Variants in LOX observed in about 807,000 individuals in gnomAD.
The protein encoded by LOX is protein-lysine 6-oxidase.
LOX carries 12 observed loss-of-function variants against 50.5 expected under a neutral mutation model. The ratio of observed to expected loss-of-function variants is 0.24; its 90% confidence interval spans 0.15 to 0.38. The LOEUF (loss-of-function observed/expected upper bound fraction) is 0.38. Ranked by LOEUF, LOX falls within the 10% of genes least tolerant of loss-of-function variation. The pLI is 1.00. For missense variants in LOX, 504 were observed against 563.8 expected (o/e 0.89, Z 1.07); for synonymous variants, 254 against 230.6 (o/e 1.10, Z -0.92).
At chr5:122,075,751 T>C (rs1225053113) in intron 2 of LOX, among the ~76,000 whole-genome samples, 1 of 152,180 alleles carries the variant, frequency 6.6e-6, no homozygotes, top group African/African-American at 2.4e-5. Flanking sequence ...GCTCAATGAA[T>C]ATTTGGTGAA....
At position 122,074,956 on chromosome 5, in the gene LOX, A is replaced by G. The variant is rs73285776; in HGVS notation, c.878+448T>C. On this transcript the variant is annotated intron_variant, in intron 3 of 6. Transcript: ENST00000231004. Reference sequence around the variant, plus strand: ...AAGGCAACCACCTTGGGCTTGATACAGGTCTTTTAAAAGATGGAAGAAGGT... The same window carrying G: ...AAGGCAACCACCTTGGGCTTGATACGGGTCTTTTAAAAGATGGAAGAAGGT... 1.1e-3 allele frequency among the ~76,000 whole-genome samples: 164 copies of G among 152,344 alleles called. 1 individual carries two copies. The highest frequency in any genetic ancestry group is 3.8e-3 in the African/African-American group (160 of 41,580).
rs964524218 is a variant in LOX at position 122,078,129 on chromosome 5, G to A, written c.-144C>T. The A allele has an allele frequency of 1.0e-5, 7 of 702,262 alleles. No homozygotes were observed. The Admixed American group carries it at 2.5e-4, about 25-fold the overall frequency. 43.5% of individuals were successfully genotyped at this position (702,262 alleles called of 1,614,324 possible). ...GGTATCTCAGTCTCCACCAAGCAAT[G>A]CCAAGGGTGGGATTCAGACCCTTCC... On this transcript the variant is annotated 5_prime_UTR_variant, in exon 1 of 7. Transcript: ENST00000231004.
rs1345801845 is a variant in LOX at position 122,066,743 on chromosome 5, C to T, written c.1254G>A (p.Ter418=). 2.5e-6 allele frequency: 4 copies of T among 1,599,722 alleles called. No homozygotes were observed. Among genetic ancestry groups the T allele is most frequent in the Non-Finnish European group, 1.7e-6 (2 of 1,167,658 alleles). Reference sequence around the variant, plus strand: ...TCCATTGGGAGTTTTGCTTTGCCTTCTAATACCTAGATTAAGAAGACAAAA... The same window carrying T: ...TCCATTGGGAGTTTTGCTTTGCCTTTTAATACCTAGATTAAGAAGACAAAA... ...YASGCTISPY[*] Residue 418 remains the stop codon, a stop_retained_variant, in exon 7 of 7, where the codon TAG becomes TAA. Transcript: ENST00000231004.
At chr5:122,067,787 C>T (rs963575629) in intron 6 of LOX, among the ~76,000 whole-genome samples, 3 of 152,080 alleles carry the variant, frequency 2.0e-5, no homozygotes, top group Non-Finnish European at 4.4e-5. Flanking sequence ...TGCAAGTTGC[C>T]TGTGACGTTG....
Position 122,077,307 on chromosome 5 carries a change from C to G in LOX, c.631+48G>C. On this transcript the variant is annotated intron_variant, in intron 1 of 6. Transcript: ENST00000231004. This position sits in a 1 kb window ranked among gnomAD's most constrained non-coding sequence, Gnocchi z 4.9. The stretch of plus-strand genomic sequence containing the variant: ...GCAGCCACGTCGAGAAGCCACATAG[C>G]TGGGGACCAGGTGCACGGGTGCTTC... 6.2e-7 allele frequency: 1 copy of G among 1,611,226 alleles called. No homozygotes were observed. Among genetic ancestry groups the G allele is most frequent in the Non-Finnish European group, 8.5e-7 (1 of 1,179,010 alleles).
chr5:122,076,838 G>C, intron 2 of LOX, 55 bp downstream of exon 2: 1 of 1,502,440 alleles, frequency 6.7e-7, no homozygotes, highest in African/African-American at 1.4e-5. Flanking sequence ...CCAGGCACCA[G>C]AGCGCCCCCT....
Position 122,078,052 on chromosome 5 carries a change from A to C in LOX, c.-67T>G. On this transcript the variant is annotated 5_prime_UTR_variant, in exon 1 of 7. Transcript: ENST00000231004. ...CTCACAGAAAATAAAAACGGGGCTC[A>C]AATCACGTGAGGGAAGGAGAAATCT... is the stretch of plus-strand genomic sequence containing the variant. The C allele has an allele frequency of 7.3e-7, 1 of 1,375,760 alleles. No individual in the cohort carries two copies. The highest frequency in any genetic ancestry group is 9.5e-7 in the Non-Finnish European group (1 of 1,054,682). 85.2% of individuals were successfully genotyped at this position (1,375,760 alleles called of 1,614,324 possible).
rs1433375849 is a variant in LOX at position 122,076,940 on chromosome 5, C to A, written c.693G>T (p.Met231Ile). ...CCGCGCATCTCAGGTTGTACATGGA[C>A]ATCTTCTGCACGTACGTGGACGCCT... Reference protein sequence around the residue: ...YIQASTYVQKMSMYNLRCAAE... With the variant: ...YIQASTYVQKISMYNLRCAAE... The change falls in exon 2 of 7, where the codon ATG becomes ATT. Residue 231 changes from methionine (M) to isoleucine (I), a missense_variant. Around this residue, in one of 2 missense-constraint regions of LOX, gnomAD observed 398 missense variants for 365.8 expected, o/e 1.09. Coordinates refer to ENST00000231004, the MANE Select transcript of LOX (RefSeq NM_002317.7). 1 of 1,613,928 alleles carries A rather than the reference C, an allele frequency of 6.2e-7. No homozygotes were observed. Among genetic ancestry groups the A allele is most frequent in the Non-Finnish European group, 8.5e-7 (1 of 1,179,986 alleles).
Position 122,075,607 on chromosome 5 carries a change from T to C in LOX, c.741-66A>G, listed in dbSNP as rs372703155. 1.4e-4 allele frequency: 149 copies of C among 1,089,776 alleles called. 1 individual carries two copies. The African/African-American group carries it at 2.2e-3, about 16-fold the overall frequency. The allele number at this position is 1,089,776 out of a possible 1,614,324, so 67.5% of individuals were successfully genotyped here. ...TATTAACTAAAGACAAAACTACAAA[T>C]AAAACATCCATTATATAGTAGTGAC... On this transcript the variant is annotated intron_variant, in intron 2 of 6. Coordinates refer to ENST00000231004, the MANE Select transcript of LOX (RefSeq NM_002317.7).
intron 4 of LOX, among the ~76,000 whole-genome samples, chr5:122,073,272 C>T (rs1473773783): frequency 3.9e-5 from 6 of 152,098 alleles, no homozygotes; most frequent in Non-Finnish European, 7.3e-5. Context: ...TTAACTGACA[C>T]GCATTTTCCA....
chr5:122,075,012 A>C (rs1341867766), intron 3 of LOX, among the ~76,000 whole-genome samples: 1 of 152,222 alleles, frequency 6.6e-6, no homozygotes, highest in African/African-American at 2.4e-5. Flanking sequence ...TATCATCTAC[A>C]TCTTTCTTTG....
At chr5:122,076,859 C>T (rs1285875894) in intron 2 of LOX, 34 bp downstream of exon 2, 1 of 1,593,824 alleles carries the variant, frequency 6.3e-7, no homozygotes, top group Non-Finnish European at 8.6e-7. Context: ...GAAGGTAGAC[C>T]GGGGAGCGGG....
chr5:122,071,570 C>T (rs781438668), intron 4 of LOX, among the ~76,000 whole-genome samples: 12 of 152,152 alleles, frequency 7.9e-5, no homozygotes, highest in Non-Finnish European at 1.3e-4. Flanking sequence ...ACAATCCTTG[C>T]TTTTAAGAAT....
intron 2 of LOX, 86 bp downstream of exon 2, chr5:122,076,807 G>A: frequency 4.3e-6 from 5 of 1,167,234 alleles, no homozygotes; most frequent in Non-Finnish European, 6.3e-6. Context: ...ACTTGTCTGC[G>A]CGAAGCAGTA....
Position 122,064,367 on chromosome 5 carries a change from T to G in LOX, c.*2376A>C, listed in dbSNP as rs1754243072. The G allele has an allele frequency of 6.6e-6, 1 of 151,804 alleles. No homozygotes were observed. Among genetic ancestry groups the G allele is most frequent in the Non-Finnish European group, 1.5e-5 (1 of 67,858 alleles). The allele number at this position is 151,804 out of a possible 1,614,324, so 9.4% of individuals were successfully genotyped here. On this transcript the variant is annotated 3_prime_UTR_variant, in exon 7 of 7. Transcript: ENST00000231004. ...GTGTTAAATCAGTACTTGTGAGTTA[T>G]TTGGGTGTGTTTAGAGGTGCCAGGA...
intron 6 of LOX, among the ~76,000 whole-genome samples, chr5:122,068,753 T>C (rs1642236378): frequency 1.3e-5 from 2 of 152,104 alleles, no homozygotes; most frequent in Non-Finnish European, 2.9e-5. Context: ...CCTATTTATG[T>C]TTGCATTATT....
chr5:122,075,754 T>G (rs1320214948), intron 2 of LOX, among the ~76,000 whole-genome samples: 1 of 152,168 alleles, frequency 6.6e-6, no homozygotes, highest in Non-Finnish European at 1.5e-5. Flanking sequence ...CAATGAATAT[T>G]TGGTGAATAA....
At chr5:122,071,798 A>G (rs1754459790) in intron 4 of LOX, among the ~76,000 whole-genome samples, 2 of 152,178 alleles carry the variant, frequency 1.3e-5, no homozygotes. Flanking sequence ...GAGACAGTAA[A>G]ATCACCTTAG....
Position 122,077,658 on chromosome 5 carries a change from A to G in LOX, c.328T>C (p.Ser110Pro), listed in dbSNP as rs550052560. 4 of 1,607,536 alleles carry G rather than the reference A, an allele frequency of 2.5e-6. No homozygotes were observed. In the South Asian group the frequency reaches 3.3e-5, roughly 13 times the overall value. ...AAARTRTAGS[S>P]GVTAGRPRPT... ...CTGGGGCGGCCAGCGGTGACTCCAG[A>G]TGAGCCGGCCGTCCGCGTTCGCGCC... The change falls in exon 1 of 7, where the codon TCT becomes CCT. Residue 110 changes from serine (S) to proline (P), a missense_variant. This residue lies in a region of LOX where 398 missense variants were observed against 365.8 expected (regional missense o/e 1.09). Coordinates refer to ENST00000231004, the MANE Select transcript of LOX (RefSeq NM_002317.7). This position sits in a 1 kb window ranked among gnomAD's most constrained non-coding sequence, Gnocchi z 4.9.
Sources: gnomAD v4.1 joint callset for allele counts (sites outside exome capture counted in the v4.1 genomes callset) on GRCh38, gnomAD v4.1.1 for gene constraint, gnomAD v4.1.1 regional missense constraint, Gnocchi (gnomAD v3.1) non-coding constraint, MANE v1.5 for transcripts, NCBI Gene and HGNC (gene_info 2026-07-23, HGNC 2026-07-21) for gene names.